RTN3: variants seen among roughly 807,000 people sequenced by gnomAD.
RTN3 encodes reticulon 3, also known as reticulon-3.
In RTN3, 49 loss-of-function variants were observed where a neutral mutation model predicts 77.8. That is an observed-to-expected ratio of 0.63 (90% CI 0.50 to 0.80). RTN3 has a LOEUF of 0.80. Ranked by LOEUF, RTN3 falls within the 30% of genes least tolerant of loss-of-function variation. The pLI, the probability that RTN3 is intolerant of heterozygous loss-of-function variation, is 0.00. For missense variants in RTN3, 1,236 were observed against 1,211.9 expected (o/e 1.02, Z -0.29); for synonymous variants, 464 against 446.9 (o/e 1.04, Z -0.48).
At chr11:63,749,660 A>G (rs1034160809) in intron 3 of RTN3, among the ~76,000 whole-genome samples, 3 of 152,148 alleles carry the variant, frequency 2.0e-5, no homozygotes, top group Non-Finnish European at 4.4e-5. Context: ...CCTGAAACCT[A>G]ATCGGTGTAG....
rs2014549160 is a variant in RTN3, at chr11:63,759,329, T to TGA, written c.*1128_*1129insGA. 6.6e-6 allele frequency: 1 copy of TGA among 152,512 alleles called. No individual in the cohort carries two copies. Among genetic ancestry groups the TGA allele is most frequent in the African/African-American group, 2.4e-5 (1 of 41,468 alleles). The allele number at this position is 152,512 out of a possible 1,614,324, so 9.4% of individuals were successfully genotyped here. A position where few individuals can be genotyped will look rare whatever the true frequency, so the allele number is the denominator to read the frequency against. On this transcript the variant is annotated 3_prime_UTR_variant, in exon 9 of 9. Transcript: ENST00000377819. ...GTGAGTTCCTTCAGGTTCTCACTCA[T>TGA]AGTCATGATCCTTCAGAGGGAATAT...
At chr11:63,721,414 A>C (rs2011789855) in intron 3 of RTN3, among the ~76,000 whole-genome samples, 1 of 152,058 alleles carries the variant, frequency 6.6e-6, no homozygotes, top group African/African-American at 2.4e-5. Context: ...CTCTACTAAA[A>C]ATACAGAAAA....
At chr11:63,687,935 G>A (rs1353823081) in intron 1 of RTN3, among the ~76,000 whole-genome samples, 1 of 152,066 alleles carries the variant, frequency 6.6e-6, no homozygotes, top group East Asian at 1.9e-4. Flanking sequence ...TTCAGTTTGT[G>A]GCCCTTCACA....
chr11:63,695,510 A>C (rs536604081), intron 1 of RTN3, among the ~76,000 whole-genome samples: 1 of 152,314 alleles, frequency 6.6e-6, no homozygotes, highest in East Asian at 1.9e-4. Context: ...GGGGAGAAGT[A>C]CTGCTTCCTC....
intron 1 of RTN3, among the ~76,000 whole-genome samples, chr11:63,692,780 C>T (rs1941732813): frequency 6.6e-6 from 1 of 151,682 alleles, no homozygotes; most frequent in African/African-American, 2.4e-5. Context: ...AAAACACCTT[C>T]AGAAGGAAGG....
intron 2 of RTN3, among the ~76,000 whole-genome samples, chr11:63,712,483 A>ATTTT (rs34923509): frequency 1.1e-5 from 1 of 90,394 alleles, no homozygotes. Context: ...AAGGACTTTG[A>ATTTT]TTTTTTTTTT....
chr11:63,749,303 G>A (rs934193299), intron 3 of RTN3, among the ~76,000 whole-genome samples: 1 of 152,056 alleles, frequency 6.6e-6, no homozygotes, highest in Non-Finnish European at 1.5e-5. Context: ...GTAGTATTGT[G>A]GCTTGGATAA....
chr11:63,696,161 A>T (rs984894457), intron 1 of RTN3, among the ~76,000 whole-genome samples: 1 of 151,950 alleles, frequency 6.6e-6, no homozygotes, highest in Non-Finnish European at 1.5e-5. Context: ...CATGCCTGTA[A>T]TCCTAGCACT....
intron 3 of RTN3, among the ~76,000 whole-genome samples, chr11:63,734,756 CACACACACACACACACACACACACA>C (rs1565333306): frequency 2.2e-4 from 33 of 150,016 alleles, no homozygotes; most frequent in South Asian, 1.9e-3. Flanking sequence ...CACACACACA[CACACACACACACACACACACACACA>C]CCATACTGGA....
intron 3 of RTN3, among the ~76,000 whole-genome samples, chr11:63,724,171 TTC>T (rs1452324355): frequency 1.4e-5 from 2 of 145,684 alleles, no homozygotes; most frequent in Admixed American, 6.8e-5. Flanking sequence ...TTTTTAGGAA[TTC>T]TTTTTTTTTT....
chr11:63,733,191 C>G (rs912128250), intron 3 of RTN3, among the ~76,000 whole-genome samples: 1 of 151,810 alleles, frequency 6.6e-6, no homozygotes, highest in African/African-American at 2.4e-5. Flanking sequence ...CAGTGGCTCA[C>G]GCCTGTAATC....
In RTN3 at chr11:63,719,636, T is replaced by G. The variant is rs762365207; in HGVS notation, c.1134T>G (p.Asn378Lys). The G allele has an allele frequency of 8.1e-6, 13 of 1,613,656 alleles. No homozygotes were observed. The highest frequency in any genetic ancestry group is 1.1e-5 in the Non-Finnish European group (13 of 1,179,906). The change falls in exon 3 of 9, where the codon AAT (asparagine) becomes AAG (lysine). Residue 378 changes from asparagine to lysine, a missense_variant. Around this residue, in one of 3 missense-constraint regions of RTN3, gnomAD observed 1,056 missense variants for 990.4 expected, o/e 1.07. Transcript: ENST00000377819. ...ATAATTCAGAAATTCCAGTTGTAAATCTTAAAACTAGCACTCATCAGAAAA... is the reference window on the plus strand; with the variant it reads ...ATAATTCAGAAATTCCAGTTGTAAAGCTTAAAACTAGCACTCATCAGAAAA... The part of the protein sequence containing the change: ...SEYNSEIPVV[N>K]LKTSTHQKTP...
At position 63,719,821 on chromosome 11, in the gene RTN3, T is replaced by C. The variant is rs1392277439; in HGVS notation, c.1319T>C (p.Met440Thr). The part of the protein sequence containing the change: ...EFSIKGVQGN[M>T]QKQDDTLAEL... Reference sequence around the variant, plus strand: ...AGTATCAAAGGTGTGCAAGGCAATATGCAGAAACAGGATGACACACTTGCA... The same window carrying C: ...AGTATCAAAGGTGTGCAAGGCAATACGCAGAAACAGGATGACACACTTGCA... Residue 440 changes from methionine to threonine, a missense_variant, in exon 3 of 9, where the codon ATG becomes ACG. Met to Thr is a moderately conservative substitution (Grantham distance 81). Around this residue, in one of 3 missense-constraint regions of RTN3, gnomAD observed 1,056 missense variants for 990.4 expected, o/e 1.07. Transcript: ENST00000377819. The C allele has an allele frequency of 6.2e-7, 1 of 1,614,188 alleles. No homozygotes were observed. The highest frequency in any genetic ancestry group is 1.3e-5 in the African/African-American group (1 of 75,052).
intron 3 of RTN3, among the ~76,000 whole-genome samples, chr11:63,727,195 T>G (rs928703317): frequency 6.6e-6 from 1 of 152,078 alleles, no homozygotes; most frequent in African/African-American, 2.4e-5. Flanking sequence ...TTATTACATG[T>G]TAAAACAAAA....
intron 3 of RTN3, among the ~76,000 whole-genome samples, chr11:63,733,301 T>TA (rs1297192228): frequency 1.3e-5 from 2 of 151,986 alleles, no homozygotes; most frequent in African/African-American, 4.8e-5. Context: ...CATCCTGGCT[T>TA]ACACGGTGAA....
chr11:63,749,600 C>G (rs1303763292), intron 3 of RTN3, among the ~76,000 whole-genome samples: 5 of 152,204 alleles, frequency 3.3e-5, no homozygotes, highest in Admixed American at 2.0e-4. Flanking sequence ...GCACTTTACC[C>G]CGGTGTATTT....
At chr11:63,689,782 G>C (rs1445987182) in intron 1 of RTN3, among the ~76,000 whole-genome samples, 1 of 151,210 alleles carries the variant, frequency 6.6e-6, no homozygotes, top group Non-Finnish European at 1.5e-5. Flanking sequence ...TTTTGAGACA[G>C]AATCCCCCTC....
intron 3 of RTN3, among the ~76,000 whole-genome samples, chr11:63,747,218 T>C (rs1369668787): frequency 1.3e-5 from 2 of 152,216 alleles, no homozygotes. Flanking sequence ...TGGAGGCATA[T>C]GGTATCTGTT....
intron 3 of RTN3, among the ~76,000 whole-genome samples, chr11:63,728,905 AAAAAG>A (rs377687141): frequency 0.011 from 1,613 of 148,394 alleles, 34 homozygotes; most frequent in African/African-American, 0.036. Flanking sequence ...AAAAAAAAGA[AAAAAG>A]AAAAGAAAGT....
Sources: allele counts gnomAD v4.1 joint callset (sites outside exome capture counted in the v4.1 genomes callset), GRCh38; gene constraint gnomAD v4.1.1; regional missense constraint gnomAD v4.1.1; transcripts MANE v1.5; gene names NCBI Gene and HGNC (gene_info 2026-07-23, HGNC 2026-07-21).